The following MACROD2 variants were observed in gnomAD, a reference collection of about 807,000 sequenced individuals.
MACROD2 encodes mono-ADP ribosylhydrolase 2, also known as ADP-ribose glycohydrolase MACROD2.
Under a neutral mutation model 70.4 loss-of-function variants are expected in MACROD2, and 36 were observed. The ratio of observed to expected loss-of-function variants is 0.51; its 90% CI spans 0.39 to 0.68. MACROD2 has a LOEUF of 0.68. MACROD2 is among the 30% of genes least tolerant of loss of function. The pLI, the probability that MACROD2 is intolerant of heterozygous loss-of-function variation, is 0.00. For missense variants in MACROD2, 496 were observed against 538.4 expected, an observed-to-expected ratio of 0.92 and a Z score of 0.78; for synonymous variants, 172 against 178.8, an observed-to-expected ratio of 0.96 and a Z score of 0.30.
At chr20:14,817,849 CACTT>C (rs1291352305) in intron 5 of MACROD2, among the ~76,000 whole-genome samples, 2 of 152,106 alleles carry the variant, frequency 1.3e-5, no homozygotes, top group African/African-American at 4.8e-5. Flanking sequence ...ATGTCCCTGA[CACTT>C]ACCAGCCTGC....
chr20:15,286,864 A>G (rs2077496436), intron 6 of MACROD2, among the ~76,000 whole-genome samples: 1 of 152,148 alleles, frequency 6.6e-6, no homozygotes, highest in Admixed American at 6.6e-5. Flanking sequence ...GTAAATTTGT[A>G]GAACCCAGAA....
At chr20:14,386,364 C>T (rs1210131363) in intron 3 of MACROD2, among the ~76,000 whole-genome samples, 1 of 152,174 alleles carries the variant, frequency 6.6e-6, no homozygotes, top group Non-Finnish European at 1.5e-5. Flanking sequence ...CCCACAGATT[C>T]TGCTTTCTCT....
chr20:14,031,264 T>C (rs1174744693), intron 2 of MACROD2, among the ~76,000 whole-genome samples: 1 of 152,222 alleles, frequency 6.6e-6, no homozygotes, highest in Non-Finnish European at 1.5e-5. Context: ...TCTCTGGTTT[T>C]ATTTCTGACA....
chr20:15,006,096 C>T (rs2075033695), intron 5 of MACROD2, among the ~76,000 whole-genome samples: 1 of 150,134 alleles, frequency 6.7e-6, no homozygotes, highest in African/African-American at 2.5e-5. Flanking sequence ...AAGTTATCTC[C>T]AGGACTCATT....
At chr20:15,450,605 A>T (rs1000772249) in intron 7 of MACROD2, among the ~76,000 whole-genome samples, 1 of 152,146 alleles carries the variant, frequency 6.6e-6, no homozygotes. Context: ...GTTTTAATAT[A>T]GTCTCCAGGC....
chr20:14,851,798 C>A (rs1320997642), intron 5 of MACROD2, among the ~76,000 whole-genome samples: 2 of 152,142 alleles, frequency 1.3e-5, no homozygotes, highest in African/African-American at 4.8e-5. Flanking sequence ...GATAATTATT[C>A]CCATTTCACA....
intron 8 of MACROD2, among the ~76,000 whole-genome samples, chr20:15,720,625 C>A (rs751634407): frequency 6.6e-6 from 1 of 152,150 alleles, no homozygotes. Context: ...CCTAGAATGT[C>A]TGCCTTAATC....
At chr20:15,108,975 T>C (rs2075933600) in intron 5 of MACROD2, among the ~76,000 whole-genome samples, 1 of 152,138 alleles carries the variant, frequency 6.6e-6, no homozygotes, top group Admixed American at 6.6e-5. Flanking sequence ...ACCACAGTTA[T>C]TACATAGATC....
intron 2 of MACROD2, among the ~76,000 whole-genome samples, chr20:14,004,641 T>C (rs1392950835): frequency 6.6e-6 from 1 of 152,178 alleles, no homozygotes; most frequent in Non-Finnish European, 1.5e-5. Flanking sequence ...AAGAGAGTTT[T>C]AGTGTTTTAA....
intron 5 of MACROD2, among the ~76,000 whole-genome samples, chr20:14,922,292 C>CT (rs1185750540): frequency 6.6e-6 from 1 of 151,770 alleles, no homozygotes. Flanking sequence ...TTTTTTCCTG[C>CT]TTTTTTTTGT....
intron 4 of MACROD2, among the ~76,000 whole-genome samples, chr20:14,568,562 A>G (rs977594069): frequency 6.6e-6 from 1 of 152,016 alleles, no homozygotes; most frequent in Non-Finnish European, 1.5e-5. Context: ...CAAATAGTTT[A>G]ATTTACCTCT....
intron 6 of MACROD2, among the ~76,000 whole-genome samples, chr20:15,338,419 C>G (rs113013191): frequency 6.6e-6 from 1 of 151,480 alleles, no homozygotes; most frequent in Non-Finnish European, 1.5e-5. Flanking sequence ...GCTGCCATAG[C>G]GGAACCACCA....
intron 9 of MACROD2, among the ~76,000 whole-genome samples, chr20:15,867,685 G>A (rs2064513096): frequency 6.6e-6 from 1 of 152,138 alleles, no homozygotes; most frequent in African/African-American, 2.4e-5. Context: ...CTGGAATGTG[G>A]AAGTCATTTT....
intron 4 of MACROD2, among the ~76,000 whole-genome samples, chr20:14,536,506 T>C (rs554606593): frequency 3.9e-5 from 6 of 152,294 alleles, no homozygotes; most frequent in Admixed American, 1.3e-4. Flanking sequence ...TTCATCTTTA[T>C]ACATAAGTAT....
chr20:14,304,477 T>C (rs2082502973), intron 3 of MACROD2, among the ~76,000 whole-genome samples: 1 of 152,248 alleles, frequency 6.6e-6, no homozygotes, highest in African/African-American at 2.4e-5. Context: ...TGGTTCAGAC[T>C]GAAATTGTGG....
At chr20:14,093,770 G>A (rs2054185471) in intron 3 of MACROD2, among the ~76,000 whole-genome samples, 2 of 152,050 alleles carry the variant, frequency 1.3e-5, no homozygotes, top group Non-Finnish European at 2.9e-5. Context: ...GTAAAGACAA[G>A]TAAGTAAACA....
intron 4 of MACROD2, among the ~76,000 whole-genome samples, chr20:14,571,739 G>T (rs1980207071): frequency 6.6e-6 from 1 of 152,058 alleles, no homozygotes; most frequent in East Asian, 1.9e-4. Context: ...AAAGGCAAAT[G>T]AATTGTCAGA....
At chr20:15,780,324 A>G (rs4813196) in intron 8 of MACROD2, among the ~76,000 whole-genome samples, 53,457 of 151,884 alleles carry the variant, frequency 0.35, 11,088 homozygotes, top group African/African-American at 0.57. Flanking sequence ...CATTAAGTTT[A>G]CTAGTCTGGT....
intron 5 of MACROD2, among the ~76,000 whole-genome samples, chr20:15,108,366 A>T (rs1057450173): frequency 2.6e-5 from 4 of 152,174 alleles, no homozygotes; most frequent in Admixed American, 1.3e-4. Context: ...GAACTCAATA[A>T]CTTGGAAAGC....
Sources: allele counts gnomAD v4.1 joint callset (sites outside exome capture counted in the v4.1 genomes callset), GRCh38; gene constraint gnomAD v4.1.1; transcripts MANE v1.5; gene names NCBI Gene and HGNC (gene_info 2026-07-23, HGNC 2026-07-21).